The following KCND2 variants were observed in gnomAD, a reference collection of about 807,000 sequenced individuals.
KCND2 encodes A-type voltage-gated potassium channel KCND2.
Under a neutral mutation model 54.4 loss-of-function variants are expected in KCND2, and 16 were observed. The ratio of observed to expected loss-of-function variants is 0.29; its 90% CI spans 0.20 to 0.45. KCND2 has a LOEUF of 0.45. Among genes scored for constraint, KCND2 ranks in the 20% least tolerant of loss-of-function variants. The pLI, the probability that KCND2 is intolerant of heterozygous loss-of-function variation, is 1.00. For missense variants in KCND2, 486 were observed against 824.2 expected (o/e 0.59, Z 5.02); for synonymous variants, 317 against 310.7 (o/e 1.02, Z -0.21).
intron 1 of KCND2, among the ~76,000 whole-genome samples, chr7:120,669,018 T>G (rs975514830): frequency 2.0e-5 from 3 of 152,108 alleles, no homozygotes; most frequent in African/African-American, 7.2e-5. Context: ...TTTCAGTGTA[T>G]AAATGGATTG....
At chr7:120,365,666 G>T (rs149461286) in intron 1 of KCND2, among the ~76,000 whole-genome samples, 4 of 152,226 alleles carry the variant, frequency 2.6e-5, no homozygotes, top group Non-Finnish European at 4.4e-5. Context: ...GATGTCAATC[G>T]TACAATTACT....
chr7:120,541,628 AAGAC>A (rs1791980602), intron 1 of KCND2, among the ~76,000 whole-genome samples: 1 of 152,084 alleles, frequency 6.6e-6, no homozygotes, highest in Admixed American at 6.5e-5. Flanking sequence ...GGCTGCCACC[AAGAC>A]AGACCATGGT....
chr7:120,747,309 A>C (rs571176892), intron 5 of KCND2, among the ~76,000 whole-genome samples: 2 of 152,124 alleles, frequency 1.3e-5, no homozygotes, highest in African/African-American at 4.8e-5. Context: ...TAAGAAATCA[A>C]TGTGATATGG....
At chr7:120,526,145 A>G (rs1791770179) in intron 1 of KCND2, among the ~76,000 whole-genome samples, 2 of 152,152 alleles carry the variant, frequency 1.3e-5, no homozygotes, top group Admixed American at 6.6e-5. Flanking sequence ...AAGACTGTGA[A>G]CTATATATTC....
At chr7:120,335,464 CTTACTTATTTATTTATTTAT>C (rs955657166) in intron 1 of KCND2, among the ~76,000 whole-genome samples, 3 of 139,190 alleles carry the variant, frequency 2.2e-5, no homozygotes, top group African/African-American at 8.3e-5. Flanking sequence ...TATTTACTTA[CTTACTTATTTATTTATTTAT>C]TTATTTATTT....
chr7:120,441,242 A>G (rs960512513), intron 1 of KCND2, among the ~76,000 whole-genome samples: 1 of 152,118 alleles, frequency 6.6e-6, no homozygotes, highest in Non-Finnish European at 1.5e-5. Context: ...CAAGTTATTT[A>G]ACTTTTCTGT....
chr7:120,724,485 A>C (rs1023786428), intron 1 of KCND2, among the ~76,000 whole-genome samples: 1 of 152,238 alleles, frequency 6.6e-6, no homozygotes, highest in African/African-American at 2.4e-5. Flanking sequence ...GACGTAGTAC[A>C]TTCCAGTAAT....
intron 1 of KCND2, among the ~76,000 whole-genome samples, chr7:120,293,856 T>A (rs188078957): frequency 6.6e-6 from 1 of 152,080 alleles, no homozygotes; most frequent in African/African-American, 2.4e-5. Context: ...GGTCAACAAT[T>A]ATTTATATTT....
chr7:120,667,495 A>G (rs1791942134), intron 1 of KCND2, among the ~76,000 whole-genome samples: 2 of 152,166 alleles, frequency 1.3e-5, no homozygotes, highest in African/African-American at 4.8e-5. Flanking sequence ...TGTGTATATA[A>G]AAATCTAAGG....
In KCND2 at chr7:120,727,060, G is replaced by A. The variant is rs191489114; in HGVS notation, c.1116-5843G>A. Among the ~76,000 whole-genome samples, 238 of 152,192 alleles carry A rather than the reference G, an allele frequency of 1.6e-3. 2 individuals carry two copies. Among genetic ancestry groups the A allele is most frequent in the Non-Finnish European group, 2.1e-3 (140 of 68,006 alleles). On this transcript the variant is annotated intron_variant, in intron 1 of 5. Coordinates refer to ENST00000331113, the MANE Select transcript of KCND2 (RefSeq NM_012281.3). ...CATACTTTCAGAGATGGAAAGTCAC[G>A]CATTAGCTAGGGAGATTTGCCTCAT...
intron 1 of KCND2, among the ~76,000 whole-genome samples, chr7:120,413,682 T>C (rs1042330725): frequency 6.6e-6 from 1 of 152,022 alleles, no homozygotes; most frequent in African/African-American, 2.4e-5. Flanking sequence ...TACTACAGTT[T>C]ATAAAAAAAC....
intron 1 of KCND2, among the ~76,000 whole-genome samples, chr7:120,674,838 G>T (rs1227453077): frequency 6.6e-6 from 1 of 152,092 alleles, no homozygotes; most frequent in African/African-American, 2.4e-5. Flanking sequence ...TGTTGGAGGG[G>T]AAGAGTTCTT....
intron 1 of KCND2, among the ~76,000 whole-genome samples, chr7:120,322,088 A>G (rs1799899794): frequency 6.6e-6 from 1 of 152,092 alleles, no homozygotes; most frequent in Non-Finnish European, 1.5e-5. Context: ...AACAAAGTAA[A>G]AAATCACAAA....
At chr7:120,667,146 C>T (rs770291848) in intron 1 of KCND2, among the ~76,000 whole-genome samples, 33 of 152,058 alleles carry the variant, frequency 2.2e-4, no homozygotes, top group Non-Finnish European at 8.8e-5. Flanking sequence ...CTCTTTTTCC[C>T]GTGGTGGAAT....
At chr7:120,724,529 G>A (rs189886402) in intron 1 of KCND2, among the ~76,000 whole-genome samples, 54 of 152,314 alleles carry the variant, frequency 3.5e-4, no homozygotes, top group Admixed American at 9.2e-4. Flanking sequence ...ACTATGGGGT[G>A]TATGTGGGTG....
At chr7:120,556,745 AT>A (rs894646303) in intron 1 of KCND2, among the ~76,000 whole-genome samples, 14 of 152,304 alleles carry the variant, frequency 9.2e-5, no homozygotes, top group Middle Eastern at 3.4e-3. Flanking sequence ...CTGAAAAAAA[AT>A]ATGTACCTGC....
chr7:120,703,156 T>C (rs1190657863), intron 1 of KCND2, among the ~76,000 whole-genome samples: 2 of 152,206 alleles, frequency 1.3e-5, no homozygotes, highest in African/African-American at 4.8e-5. Flanking sequence ...AGAGAGAAAG[T>C]ATCTGAACAG....
At chr7:120,352,766 T>G (rs1800434886) in intron 1 of KCND2, among the ~76,000 whole-genome samples, 1 of 152,128 alleles carries the variant, frequency 6.6e-6, no homozygotes, top group Admixed American at 6.6e-5. Context: ...TTGAGAAATA[T>G]GACTGAAAAA....
intron 1 of KCND2, among the ~76,000 whole-genome samples, chr7:120,486,087 T>TAA (rs769672725): frequency 6.6e-6 from 1 of 152,182 alleles, no homozygotes; most frequent in Non-Finnish European, 1.5e-5. Context: ...GCTATATATA[T>TAA]AATCTTTGGT....
Sources: allele counts gnomAD v4.1 joint callset (sites outside exome capture counted in the v4.1 genomes callset), GRCh38; gene constraint gnomAD v4.1.1; transcripts MANE v1.5; gene names NCBI Gene and HGNC (gene_info 2026-07-23, HGNC 2026-07-21).